Variants in SWT1 observed in about 807,000 individuals in gnomAD.
The protein encoded by SWT1 is transcriptional protein SWT1.
A neutral mutation model predicts 107.3 loss-of-function variants in SWT1; 33 were observed. That is an observed-to-expected ratio of 0.31 (90% CI 0.23 to 0.41). The LOEUF is 0.41. SWT1 is among the 10% of genes least tolerant of loss of function. The probability of loss-of-function intolerance (pLI) is 1.00; values close to 1 mark genes in which losing one functional copy is unlikely to be tolerated. For missense variants in SWT1, 898 were observed against 1,028.9 expected (o/e 0.87, Z 1.74); for synonymous variants, 345 against 348.3 (o/e 0.99, Z 0.11).
At chr1:185,236,112 G>A (rs918468575) in intron 16 of SWT1, among the ~76,000 whole-genome samples, 3 of 152,078 alleles carry the variant, frequency 2.0e-5, no homozygotes, top group Non-Finnish European at 4.4e-5. Context: ...CATCAAAATG[G>A]CTATACTGCC....
chr1:185,204,363 C>G (rs1658138790), intron 11 of SWT1, among the ~76,000 whole-genome samples: 1 of 151,988 alleles, frequency 6.6e-6, no homozygotes, highest in African/African-American at 2.4e-5. Context: ...GTGAATAAAT[C>G]CAAGGCATTC....
chr1:185,158,425 A>C (rs1485367373), intron 1 of SWT1, among the ~76,000 whole-genome samples: 1 of 151,890 alleles, frequency 6.6e-6, no homozygotes, highest in Non-Finnish European at 1.5e-5. Context: ...CTCAACAGTC[A>C]ATTAAAAATG....
At chr1:185,243,211 T>C (rs1359452624) in intron 16 of SWT1, among the ~76,000 whole-genome samples, 1 of 152,034 alleles carries the variant, frequency 6.6e-6, no homozygotes, top group Non-Finnish European at 1.5e-5. Flanking sequence ...TGGGCTCAGG[T>C]GATCCTCTCA....
intron 15 of SWT1, among the ~76,000 whole-genome samples, chr1:185,226,552 A>T (rs1031372853): frequency 6.6e-6 from 1 of 152,166 alleles, no homozygotes. Context: ...CCTGGGCAAC[A>T]CAACAAGACC....
chr1:185,270,637 A>G (rs1663788732), intron 16 of SWT1, among the ~76,000 whole-genome samples: 1 of 152,178 alleles, frequency 6.6e-6, no homozygotes, highest in Non-Finnish European at 1.5e-5. Flanking sequence ...TGAGCCCAGG[A>G]GGTTGAAGCT....
At chr1:185,204,266 G>C (rs556559349) in intron 11 of SWT1, among the ~76,000 whole-genome samples, 1 of 151,514 alleles carries the variant, frequency 6.6e-6, no homozygotes, top group East Asian at 1.9e-4. Context: ...AACAGAGCGA[G>C]ACTCCGTCTC....
At chr1:185,282,059 AT>A in intron 18 of SWT1, among the ~76,000 whole-genome samples, 1 of 152,316 alleles carries the variant, frequency 6.6e-6, no homozygotes, top group Admixed American at 6.5e-5. Context: ...CTGGCTTCAG[AT>A]TGTGTGAGAA....
At chr1:185,250,926 G>A (rs1210582883) in intron 16 of SWT1, among the ~76,000 whole-genome samples, 6 of 152,312 alleles carry the variant, frequency 3.9e-5, no homozygotes, top group Non-Finnish European at 7.3e-5. Context: ...GCCTCCCAAA[G>A]TGCTGGGATT....
At chr1:185,272,945 A>G (rs898056071) in intron 17 of SWT1, among the ~76,000 whole-genome samples, 4 of 151,468 alleles carry the variant, frequency 2.6e-5, no homozygotes, top group Non-Finnish European at 5.9e-5. Flanking sequence ...CTGAGGAGAG[A>G]TTATTTGAGT....
At chr1:185,188,179 TTTG>T (rs1243197310) in intron 9 of SWT1, among the ~76,000 whole-genome samples, 11 of 150,480 alleles carry the variant, frequency 7.3e-5, no homozygotes, top group Admixed American at 7.3e-4. Flanking sequence ...GAGTCTTTAT[TTTG>T]TTCACTTTAT....
At chr1:185,227,689 A>G (rs1660178401) in intron 15 of SWT1, 16 of 601,654 alleles carry the variant, frequency 2.7e-5, no homozygotes, top group South Asian at 2.3e-4. Flanking sequence ...TAACAACTTT[A>G]ACAAACCCCA....
At chr1:185,215,553 A>T (rs1214413471) in intron 14 of SWT1, among the ~76,000 whole-genome samples, 2 of 152,012 alleles carry the variant, frequency 1.3e-5, no homozygotes, top group African/African-American at 4.8e-5. Flanking sequence ...GTACCCAGTA[A>T]TACAGACTTA....
At chr1:185,166,002 T>C (rs1469659553) in intron 2 of SWT1, among the ~76,000 whole-genome samples, 3 of 152,212 alleles carry the variant, frequency 2.0e-5, no homozygotes, top group African/African-American at 7.2e-5. Flanking sequence ...TTTCTCTGCT[T>C]TACTGACTCC....
intron 1 of SWT1, among the ~76,000 whole-genome samples, chr1:185,158,834 G>A (rs1653886915): frequency 6.6e-6 from 1 of 152,162 alleles, no homozygotes; most frequent in Admixed American, 6.5e-5. Flanking sequence ...AGTTTCTGTG[G>A]GTCAGGAACT....
At chr1:185,236,012 T>G (rs1418991463) in intron 16 of SWT1, among the ~76,000 whole-genome samples, 1 of 152,092 alleles carries the variant, frequency 6.6e-6, no homozygotes. Flanking sequence ...ACCTCTTCAA[T>G]GAGAACTACA....
rs77890989 is a variant in SWT1 at position 185,184,942 on chromosome 1, T to G, written c.1429+11T>G. 5.9e-3 allele frequency: 8,578 copies of G among 1,444,890 alleles called. 260 individuals carry two copies. The East Asian group carries it at 0.09, about 15-fold the overall frequency. The allele number at this position is 1,444,890 out of a possible 1,614,324, so 89.5% of individuals were successfully genotyped here. On this transcript the variant is annotated intron_variant, in intron 9 of 18. Coordinates refer to ENST00000367500, the MANE Select transcript of SWT1 (RefSeq NM_017673.7). ...CATCCCAAAAACATTGTAAGTATTG[T>G]TCTCTCAGAGTGCCTCCTGATTAAT... is the stretch of plus-strand genomic sequence containing the variant.
intron 16 of SWT1, chr1:185,262,453 ACAT>A (rs1247835230): frequency 1.3e-5 from 2 of 152,226 alleles, no homozygotes; most frequent in African/African-American, 4.8e-5. Context: ...AGTGAATTCC[ACAT>A]CATTCCCATA....
intron 15 of SWT1, among the ~76,000 whole-genome samples, chr1:185,230,429 C>T (rs917513095): frequency 6.6e-6 from 1 of 152,140 alleles, no homozygotes; most frequent in Non-Finnish European, 1.5e-5. Context: ...TGCCAGCAGT[C>T]CCTGCCTTGT....
At chr1:185,220,463 T>C (rs2102523950) in intron 14 of SWT1, among the ~76,000 whole-genome samples, 1 of 152,272 alleles carries the variant, frequency 6.6e-6, no homozygotes, top group South Asian at 2.1e-4. Context: ...CCTGACTCCC[T>C]TGGCTTCTAT....
Sources: allele counts gnomAD v4.1 joint callset (sites outside exome capture counted in the v4.1 genomes callset), GRCh38; gene constraint gnomAD v4.1.1; transcripts MANE v1.5; gene names NCBI Gene and HGNC (gene_info 2026-07-23, HGNC 2026-07-21).